SMARCA2: variants seen among roughly 807,000 people sequenced by gnomAD.
The protein encoded by SMARCA2 is SWI/SNF-related matrix-associated actin-dependent regulator of chromatin subfamily A member 2.
A neutral mutation model predicts 199.8 loss-of-function variants in SMARCA2; 61 were observed. The ratio of observed to expected loss-of-function variants is 0.31; its 90% CI spans 0.25 to 0.38. SMARCA2 has a LOEUF of 0.38. Among genes scored for constraint, SMARCA2 ranks in the 10% least tolerant of loss-of-function variants. SMARCA2 has a pLI of 1.00. For missense variants in SMARCA2, 1,344 were observed against 2,012.2 expected (o/e 0.67, Z 6.35); for synonymous variants, 935 against 732.0 (o/e 1.28, Z -4.48).
At chr9:2,179,460 C>A (rs939144671) in intron 29 of SMARCA2, among the ~76,000 whole-genome samples, 2 of 152,112 alleles carry the variant, frequency 1.3e-5, no homozygotes, top group South Asian at 2.1e-4. Flanking sequence ...GTGTTTATTT[C>A]TCATTTTACA....
chr9:2,095,667 C>G (rs1315231748), intron 19 of SMARCA2, among the ~76,000 whole-genome samples: 1 of 152,194 alleles, frequency 6.6e-6, no homozygotes, highest in Non-Finnish European at 1.5e-5. Flanking sequence ...TGTGGCCTGA[C>G]AGATTCCTTC....
chr9:2,159,764 T>C (rs1389998527), intron 27 of SMARCA2: 12 of 1,558,990 alleles, frequency 7.7e-6, no homozygotes, highest in East Asian at 2.4e-5. Context: ...TAAAATTACT[T>C]GTATATGAAA....
At chr9:2,166,448 G>C (rs879895531) in intron 28 of SMARCA2, among the ~76,000 whole-genome samples, 5 of 152,044 alleles carry the variant, frequency 3.3e-5, no homozygotes, top group Admixed American at 6.5e-5. Flanking sequence ...CACATACACT[G>C]CTCTGATTTC....
chr9:2,089,573 C>T (rs977887030), intron 19 of SMARCA2, among the ~76,000 whole-genome samples: 1 of 152,082 alleles, frequency 6.6e-6, no homozygotes, highest in African/African-American at 2.4e-5. Flanking sequence ...TTCCCTAATC[C>T]TTTATGCATT....
intron 8 of SMARCA2, among the ~76,000 whole-genome samples, chr9:2,059,632 G>A (rs1563739405): frequency 6.6e-6 from 1 of 152,166 alleles, no homozygotes; most frequent in Non-Finnish European, 1.5e-5. Context: ...AGATAATAGA[G>A]AAACTGAAGT....
At chr9:2,094,416 A>G (rs1332116871) in intron 19 of SMARCA2, among the ~76,000 whole-genome samples, 1 of 152,200 alleles carries the variant, frequency 6.6e-6, no homozygotes, top group Non-Finnish European at 1.5e-5. Flanking sequence ...AGCCCTTAGC[A>G]GTGGCTGACT....
At chr9:2,126,411 T>G (rs12551628) in intron 27 of SMARCA2, among the ~76,000 whole-genome samples, 3,963 of 152,376 alleles carry the variant, frequency 0.026, 73 homozygotes, top group Middle Eastern at 0.068. Context: ...ACATGCCCCA[T>G]GGCCTAAGCA....
rs942370510 is a variant in SMARCA2, at chr9:2,118,886, A to G, written c.3685-572A>G. Among the ~76,000 whole-genome samples the G allele has an allele frequency of 4.6e-5, 7 of 152,260 alleles. No individual in the cohort carries two copies. The East Asian group carries it at 9.7e-4, about 21-fold the overall frequency. The stretch of plus-strand genomic sequence containing the variant: ...TTTAGTTATCCCATCCATAGCTCCA[A>G]TCATTAACAATAATACCCATAGAAA... On this transcript the variant is annotated intron_variant, in intron 25 of 33. Transcript: ENST00000349721.
At chr9:2,084,795 G>C (rs1351486909) in intron 17 of SMARCA2, among the ~76,000 whole-genome samples, 1 of 152,138 alleles carries the variant, frequency 6.6e-6, no homozygotes, top group Non-Finnish European at 1.5e-5. Context: ...AGGTGTTTCT[G>C]TGACTTACAT....
intron 5 of SMARCA2, among the ~76,000 whole-genome samples, chr9:2,054,075 C>T (rs1365892381): frequency 1.3e-5 from 2 of 152,198 alleles, no homozygotes; most frequent in African/African-American, 2.4e-5. Flanking sequence ...TTAGGGTTGG[C>T]TGATTTCTGT....
chr9:2,045,282 G>A (rs1057327938), intron 4 of SMARCA2: 3 of 152,296 alleles, frequency 2.0e-5, no homozygotes, highest in East Asian at 1.9e-4. Flanking sequence ...TTATAGCAAG[G>A]CTTCAAATAT....
chr9:2,076,477 C>A (rs972578417), intron 13 of SMARCA2, 148 bp downstream of exon 13: 2 of 590,276 alleles, frequency 3.4e-6, no homozygotes, highest in African/African-American at 3.8e-5. Flanking sequence ...CCACTGAGTT[C>A]TGGGTTCCCA....
chr9:2,029,224 G>A lies in SMARCA2; in HGVS notation c.202G>A (p.Glu68Lys). 1 of 1,612,482 alleles carries A rather than the reference G, an allele frequency of 6.2e-7. No homozygotes were observed. The highest frequency in any genetic ancestry group is 8.5e-7 in the Non-Finnish European group (1 of 1,179,212). Reference protein sequence around the residue: ...PTMGSTDFPQEGMHQMHKPID... With the variant: ...PTMGSTDFPQKGMHQMHKPID... ...GATGGGGTCCACAGACTTCCCACAG[G>A]AAGGCATGCATCAAATGCATAAGGT... is the stretch of plus-strand genomic sequence containing the variant. Residue 68 changes from glutamate to lysine, a missense_variant, in exon 2 of 34, where the codon GAA (glutamate) becomes AAA (lysine). By Grantham distance (56) the Glu-to-Lys change is moderately conservative. This residue lies in a region of SMARCA2 where 275 missense variants were observed against 247.5 expected (regional missense o/e 1.11). Transcript: ENST00000349721.
intron 23 of SMARCA2, among the ~76,000 whole-genome samples, chr9:2,108,514 A>T (rs1026922831): frequency 5.9e-5 from 9 of 152,182 alleles, no homozygotes; most frequent in Non-Finnish European, 2.9e-5. Flanking sequence ...CTATCCTGAG[A>T]GTATAGATGT....
chr9:2,092,634 G>A (rs555716177), intron 19 of SMARCA2, among the ~76,000 whole-genome samples: 1 of 152,322 alleles, frequency 6.6e-6, no homozygotes, highest in African/African-American at 2.4e-5. Context: ...TGCTGAGCCA[G>A]TATAATGACC....
At chr9:2,179,536 T>G (rs1198040143) in intron 29 of SMARCA2, among the ~76,000 whole-genome samples, 1 of 152,184 alleles carries the variant, frequency 6.6e-6, no homozygotes, top group African/African-American at 2.4e-5. Flanking sequence ...TCTGGACTTG[T>G]CTCCTTATGG....
At chr9:2,084,885 C>T (rs530813994) in intron 17 of SMARCA2, among the ~76,000 whole-genome samples, 13 of 152,266 alleles carry the variant, frequency 8.5e-5, no homozygotes, top group African/African-American at 2.9e-4. Flanking sequence ...ATCTTGTCTT[C>T]TAATACGTTC....
At chr9:2,182,789 C>A (rs1227232055) in intron 31 of SMARCA2, among the ~76,000 whole-genome samples, 6 of 140,972 alleles carry the variant, frequency 4.3e-5, no homozygotes, top group African/African-American at 1.6e-4. Context: ...GCCACCACAC[C>A]CGGCCTCAAA....
chr9:2,076,593 C>T (rs779609353), intron 13 of SMARCA2, among the ~76,000 whole-genome samples: 15 of 151,870 alleles, frequency 9.9e-5, no homozygotes, highest in Non-Finnish European at 1.5e-4. Context: ...TAATCCCCAC[C>T]TCCAGCTCAG....
Sources: gnomAD v4.1 joint callset for allele counts (sites outside exome capture counted in the v4.1 genomes callset) on GRCh38, gnomAD v4.1.1 for gene constraint, gnomAD v4.1.1 regional missense constraint, MANE v1.5 for transcripts, NCBI Gene and HGNC (gene_info 2026-07-23, HGNC 2026-07-21) for gene names.